The following RNF38 variants were observed in gnomAD, a reference collection of about 807,000 sequenced individuals.
RNF38 encodes E3 ubiquitin-protein ligase RNF38.
In RNF38, 15 loss-of-function variants were observed where a neutral mutation model predicts 67.2. The observed-to-expected ratio is 0.22, with a 90% CI of 0.15 to 0.34. RNF38 has a LOEUF of 0.34. Among genes scored for constraint, RNF38 ranks in the 10% least tolerant of loss-of-function variants. RNF38 has a pLI of 1.00. For missense variants in RNF38, 524 were observed against 639.9 expected (o/e 0.82, Z 1.95); for synonymous variants, 220 against 218.8 (o/e 1.01, Z -0.05).
chr9:36,400,783 T>G, upstream of RNF38: 2 of 985,488 alleles, frequency 2.0e-6, no homozygotes, highest in Non-Finnish European at 2.4e-6. Context: ...CGCCCAGAGA[T>G]GACAGAGTCG....
intron 1 of RNF38, among the ~76,000 whole-genome samples, chr9:36,452,121 G>C (rs1245024479): frequency 6.6e-6 from 1 of 152,080 alleles, no homozygotes; most frequent in Non-Finnish European, 1.5e-5. Context: ...TACTCAGGAG[G>C]CTGAAGTGGG....
intron 2 of RNF38, among the ~76,000 whole-genome samples, chr9:36,384,274 C>T (rs1836428766): frequency 6.6e-6 from 1 of 152,006 alleles, no homozygotes; most frequent in African/African-American, 2.4e-5. Context: ...AGGAAAGATA[C>T]TAAAACAACC....
rs1836547434 is a variant in RNF38 at position 36,385,471 on chromosome 9, C to T, written c.162+4996G>A. 3.3e-5 allele frequency among the ~76,000 whole-genome samples: 5 copies of T among 152,080 alleles called. No homozygotes were observed. The South Asian group carries it at 8.3e-4, about 25-fold the overall frequency. ...TCGGCTCACAGTAACCTCCGCCTCC[C>T]GGATTCAAGTGATTCTCCTGCCTCA... On this transcript the variant is annotated intron_variant, in intron 2 of 11. Coordinates refer to ENST00000259605, the MANE Select transcript of RNF38 (RefSeq NM_022781.5).
At chr9:36,382,301 T>G (rs1407402305) in intron 2 of RNF38, among the ~76,000 whole-genome samples, 2 of 151,872 alleles carry the variant, frequency 1.3e-5, no homozygotes, top group Non-Finnish European at 2.9e-5. Flanking sequence ...TCAAGGGAGG[T>G]CAAAGAGGTC....
At chr9:36,473,060 A>G (rs1840033047) in intron 1 of RNF38, among the ~76,000 whole-genome samples, 1 of 152,150 alleles carries the variant, frequency 6.6e-6, no homozygotes, top group African/African-American at 2.4e-5. Context: ...TGAACCCAGG[A>G]GGCGGAAGCT....
upstream of RNF38, among the ~76,000 whole-genome samples, chr9:36,405,268 T>A (rs74847698): frequency 6.7e-6 from 1 of 149,892 alleles, no homozygotes; most frequent in Non-Finnish European, 1.5e-5. Flanking sequence ...CTCTGTCTCT[T>A]AAAAAAAAAA....
chr9:36,376,203 A>AG (rs1835774347), intron 2 of RNF38, 76 bp from the exon 3 acceptor site: 2 of 1,086,808 alleles, frequency 1.8e-6, no homozygotes, highest in Non-Finnish European at 1.3e-6. Context: ...CACAGGTGTT[A>AG]GGATGTACTT....
At chr9:36,480,786 G>T (rs1400974170) in intron 1 of RNF38, among the ~76,000 whole-genome samples, 1 of 151,520 alleles carries the variant, frequency 6.6e-6, no homozygotes, top group Non-Finnish European at 1.5e-5. Context: ...TCGAGCTCAA[G>T]TTATCCACCC....
chr9:36,474,867 C>T (rs770839365), intron 1 of RNF38, among the ~76,000 whole-genome samples: 3 of 147,858 alleles, frequency 2.0e-5, no homozygotes, highest in Non-Finnish European at 3.0e-5. Context: ...CAGGGCCGGG[C>T]GCGGTGCCTC....
intron 1 of RNF38, among the ~76,000 whole-genome samples, chr9:36,471,118 T>C (rs890818967): frequency 6.6e-6 from 1 of 152,202 alleles, no homozygotes. Flanking sequence ...GTTTCACTTC[T>C]AGCTCCTACC....
chr9:36,435,162 T>A (rs548612899), intron 1 of RNF38, among the ~76,000 whole-genome samples: 84 of 152,318 alleles, frequency 5.5e-4, no homozygotes, highest in Non-Finnish European at 1.0e-3. Context: ...TCTATAAGTC[T>A]AGGGAGAACA....
At chr9:36,355,298 T>C (rs1834018471) in intron 6 of RNF38, among the ~76,000 whole-genome samples, 1 of 152,194 alleles carries the variant, frequency 6.6e-6, no homozygotes, top group South Asian at 2.1e-4. Context: ...ATCTCTCCTG[T>C]TTCTCCTTAA....
intron 9 of RNF38, among the ~76,000 whole-genome samples, chr9:36,350,479 C>T (rs1272955467): frequency 2.0e-5 from 3 of 152,168 alleles, no homozygotes; most frequent in African/African-American, 2.4e-5. Flanking sequence ...AATCAACTGC[C>T]GATTTTCTCC....
intron 4 of RNF38, among the ~76,000 whole-genome samples, chr9:36,369,506 C>A (rs922399785): frequency 1.3e-5 from 2 of 152,124 alleles, no homozygotes; most frequent in Admixed American, 6.5e-5. Context: ...CATGAGCCAC[C>A]GTGCTGGGCC....
At chr9:36,479,378 T>C (rs1840196428) in intron 1 of RNF38, among the ~76,000 whole-genome samples, 1 of 152,196 alleles carries the variant, frequency 6.6e-6, no homozygotes, top group Admixed American at 6.5e-5. Context: ...ATGGTGGCCC[T>C]CAGTTCTAGT....
chr9:36,407,015 A>G (rs865975047), intron 2 of RNF38, among the ~76,000 whole-genome samples: 3 of 152,076 alleles, frequency 2.0e-5, no homozygotes, highest in Non-Finnish European at 4.4e-5. Context: ...TACAAAAAAA[A>G]CCCAAAAAAC....
intron 1 of RNF38, among the ~76,000 whole-genome samples, chr9:36,428,217 C>A (rs1384144473): frequency 1.3e-5 from 2 of 151,718 alleles, no homozygotes; most frequent in Non-Finnish European, 2.9e-5. Flanking sequence ...GAGATGGAGA[C>A]CATCCTGGCT....
At chr9:36,476,779 T>C (rs930737649) in intron 1 of RNF38, among the ~76,000 whole-genome samples, 2 of 151,938 alleles carry the variant, frequency 1.3e-5, no homozygotes, top group African/African-American at 2.4e-5. Flanking sequence ...CCACCCACTC[T>C]GGCCTCCCAA....
intron 1 of RNF38, among the ~76,000 whole-genome samples, chr9:36,483,817 T>C (rs1225106062): frequency 6.6e-6 from 1 of 152,192 alleles, no homozygotes; most frequent in Non-Finnish European, 1.5e-5. Flanking sequence ...TTGCCCTTAC[T>C]TTGAAACCAC....
Sources: allele counts gnomAD v4.1 joint callset (sites outside exome capture counted in the v4.1 genomes callset), GRCh38; gene constraint gnomAD v4.1.1; transcripts MANE v1.5; gene names NCBI Gene and HGNC (gene_info 2026-07-23, HGNC 2026-07-21).